Variants in CPNE7 observed in about 807,000 individuals in gnomAD.
The protein encoded by CPNE7 is copine 7.
CPNE7 carries 78 observed loss-of-function variants against 66.5 expected under a neutral mutation model. The observed-to-expected ratio is 1.17, with a 90% CI of 0.98 to 1.42. CPNE7 has a LOEUF of 1.42. CPNE7 is among the 40% of genes most tolerant of loss of function. The pLI, the probability that CPNE7 is intolerant of heterozygous loss-of-function variation, is 0.00. For synonymous variants in CPNE7, 468 were observed against 336.7 expected (o/e 1.39, Z -4.27); for missense variants, 1,012 against 776.6 (o/e 1.30, Z -3.60).
At chr16:89,578,004 G>C (rs1363620530) in intron 2 of CPNE7, among the ~76,000 whole-genome samples, 2 of 152,176 alleles carry the variant, frequency 1.3e-5, no homozygotes, top group African/African-American at 4.8e-5. Context: ...ATTGTCCAGA[G>C]AGAGATTTTC....
At chr16:89,582,559 G>T (rs1241171887) in intron 2 of CPNE7, among the ~76,000 whole-genome samples, 9 of 152,192 alleles carry the variant, frequency 5.9e-5, no homozygotes, top group South Asian at 2.1e-4. Flanking sequence ...AATCTTGGGG[G>T]GCCTGGCCCG....
intron 11 of CPNE7, among the ~76,000 whole-genome samples, chr16:89,590,223 A>G (rs464274): frequency 0.52 from 79,491 of 152,114 alleles, 21,016 homozygotes; most frequent in East Asian, 0.7. Flanking sequence ...TCTATTGCAC[A>G]TAACAATTCA....
chr16:89,579,153 G>A (rs181394638), intron 2 of CPNE7, among the ~76,000 whole-genome samples: 23 of 151,770 alleles, frequency 1.5e-4, no homozygotes, highest in African/African-American at 5.6e-4. Context: ...TTAGCCAGGC[G>A]TGGTGGTGCG....
Position 89,587,037 on chromosome 16 carries a change from C to T in CPNE7, c.868-6C>T, listed in dbSNP as rs199975723. 1.8e-5 allele frequency: 28 copies of T among 1,576,554 alleles called. No homozygotes were observed. Among genetic ancestry groups the T allele is most frequent in the Middle Eastern group, 1.7e-4 (1 of 5,922 alleles). On this transcript the variant is annotated splice_region_variant and splice_polypyrimidine_tract_variant and intron_variant, in intron 8 of 14. Transcript: ENST00000319518. ...GGGGGTGGACGCTGACTCCGCCGGC[C>T]GGAAGTTCCACAGGGTGTACTCCTT...
intron 13 of CPNE7, 142 bp downstream of exon 13, chr16:89,591,402 G>A: frequency 1.6e-6 from 2 of 1,234,350 alleles, no homozygotes; most frequent in Non-Finnish European, 2.2e-6. Flanking sequence ...GAGGGCGGGG[G>A]CCCAGCTGGT....
rs201485428 is a variant in CPNE7 at position 89,584,059 on chromosome 16, G to C, written c.464G>C (p.Gly155Ala). Reference protein sequence around the residue: ...VIAEDISGNNGYVELSFRARK... With the variant: ...VIAEDISGNNAYVELSFRARK... The stretch of plus-strand genomic sequence containing the variant: ...GCCGAGGACATCTCGGGGAACAACG[G>C]CTACGTGGAGCTCTCCTTCCGGGCC... Residue 155 changes from glycine (G) to alanine (A), a missense_variant, in exon 4 of 15, where the codon GGC (glycine) becomes GCC (alanine). Coordinates refer to ENST00000319518, the MANE Select transcript of CPNE7 (RefSeq NM_153636.3). The surrounding 1 kb of genome is among the most constrained non-coding windows in gnomAD (Gnocchi z 6.0). 10 of 1,612,138 alleles carry C rather than the reference G, an allele frequency of 6.2e-6. No individual in the cohort carries two copies. The East Asian group carries it at 2.2e-4, about 36-fold the overall frequency.
intron 1 of CPNE7, among the ~76,000 whole-genome samples, chr16:89,576,810 G>T (rs2058867864): frequency 6.6e-6 from 1 of 152,164 alleles, no homozygotes; most frequent in African/African-American, 2.4e-5. Context: ...TGGAAGGGAC[G>T]CGGTCACCCG....
rs1205027788 is a variant in CPNE7, at chr16:89,588,742, C to T, written c.995C>T (p.Pro332Leu). Residue 332 changes from proline to leucine, a missense_variant, in exon 10 of 15, where the codon CCC (proline) becomes CTC (leucine). Transcript: ENST00000319518. ...AGCTGCTCCCTGCACTACATCAACC[C>T]CTACCAGCCGAACGAGTACCTGAAG... ...RNSCSLHYINPYQPNEYLKAL... is the reference protein window; with the variant it reads ...RNSCSLHYINLYQPNEYLKAL... 1.9e-6 allele frequency: 3 copies of T among 1,613,600 alleles called. No homozygotes were observed. Among genetic ancestry groups the T allele is most frequent in the East Asian group, 2.2e-5 (1 of 44,894 alleles).
chr16:89,576,235 G>A (rs1195785674), intron 1 of CPNE7, among the ~76,000 whole-genome samples, 164 bp downstream of exon 1: 1 of 152,076 alleles, frequency 6.6e-6, no homozygotes, highest in Non-Finnish European at 1.5e-5. Flanking sequence ...ACCAGGTCTG[G>A]GGGTGGGGTG....
In CPNE7 at chr16:89,590,928, G is replaced by A; in HGVS notation, c.1117-79G>A. On this transcript the variant is annotated intron_variant, in intron 11 of 14. Coordinates refer to ENST00000319518, the MANE Select transcript of CPNE7 (RefSeq NM_153636.3). ...GGGACATGGGGGCTGGGGACGGGGG[G>A]AGCAGCTGACCGAGGGACATGGGGC... The A allele has an allele frequency of 2.7e-6, 4 of 1,476,298 alleles. No homozygotes were observed. In the East Asian group the frequency reaches 7.3e-5, roughly 27 times the overall value. 91.4% of individuals were successfully genotyped at this position (1,476,298 alleles called of 1,614,324 possible).
chr16:89,575,955 T>C lies in CPNE7; in HGVS notation c.58T>C (p.Cys20Arg). Residue 20 changes from cysteine (C) to arginine (R), a missense_variant, in exon 1 of 15, where the codon TGC becomes CGC. Coordinates refer to ENST00000319518, the MANE Select transcript of CPNE7 (RefSeq NM_153636.3). Reference protein sequence around the residue: ...AATPGGLPAPCASKVELRLSC... With the variant: ...AATPGGLPAPRASKVELRLSC... ...AACCCCCGGGGGTTTGCCCGCGCCCTGCGCCTCGAAGGTGGAGCTGCGGCT... is the reference window on the plus strand; with the variant it reads ...AACCCCCGGGGGTTTGCCCGCGCCCCGCGCCTCGAAGGTGGAGCTGCGGCT... The C allele has an allele frequency of 7.4e-7, 1 of 1,348,232 alleles. No individual in the cohort carries two copies. Among genetic ancestry groups the C allele is most frequent in the South Asian group, 1.7e-5 (1 of 57,332 alleles). The allele number at this position is 1,348,232 out of a possible 1,614,324, so 83.5% of individuals were successfully genotyped here. A position where few individuals can be genotyped will look rare whatever the true frequency, so the allele number is the denominator to read the frequency against.
At chr16:89,586,815 C>G (rs2059048079) in intron 8 of CPNE7, 59 bp downstream of exon 8, 3 of 1,459,820 alleles carry the variant, frequency 2.1e-6, no homozygotes, top group African/African-American at 1.4e-5. Context: ...CGCTGCCTCC[C>G]TCTGATTGTT....
At chr16:89,595,888 AAC>A (rs2059247211) in intron 14 of CPNE7, 1 of 593,524 alleles carries the variant, frequency 1.7e-6, no homozygotes. Flanking sequence ...CGTTGCTGCC[AAC>A]CTCTGCGACC....
At chr16:89,588,603 T>C in intron 9 of CPNE7, 72 bp from the exon 10 acceptor site, 1 of 1,592,994 alleles carries the variant, frequency 6.3e-7, no homozygotes, top group East Asian at 2.2e-5. Flanking sequence ...CTGGGCGTGG[T>C]TTCTCTACCT....
Position 89,591,036 on chromosome 16 carries a change from C to T in CPNE7, c.1146C>T (p.Asn382=), listed in dbSNP as rs1055616614. ...EVSHDFAINF[N]PEDDECEGIQ... is the part of the protein sequence containing the mutation. ...CCCATGACTTTGCCATCAATTTCAA[C>T]CCTGAGGACGATGAGTGTGAAGGTA... Residue 382 remains asparagine (N), a synonymous_variant, in exon 12 of 15, where the codon AAC becomes AAT. Transcript: ENST00000319518. 1.9e-6 allele frequency: 3 copies of T among 1,613,610 alleles called. No homozygotes were observed. The highest frequency in any genetic ancestry group is 1.7e-6 in the Non-Finnish European group (2 of 1,179,894).
chr16:89,587,138 G>T, intron 9 of CPNE7, 36 bp downstream of exon 9: 3 of 572,948 alleles, frequency 5.2e-6, no homozygotes, highest in South Asian at 8.3e-5. Flanking sequence ...CGCCCCCTCA[G>T]TCCGTGGCCC....
At chr16:89,588,640 G>A (rs1444226939) in intron 9 of CPNE7, 35 bp from the exon 10 acceptor site, 4 of 1,611,448 alleles carry the variant, frequency 2.5e-6, no homozygotes, top group African/African-American at 2.7e-5. Context: ...GGGAGCCCCG[G>A]CCCAGCACAG....
Position 89,583,689 on chromosome 16 carries a change from A to G in CPNE7, c.358-8A>G, listed in dbSNP as rs2058991517. 1.2e-6 allele frequency: 2 copies of G among 1,612,500 alleles called. No individual in the cohort carries two copies. Among genetic ancestry groups the G allele is most frequent in the Non-Finnish European group, 1.7e-6 (2 of 1,179,846 alleles). ...TGCCCCTCCCTGCCTGACGCCTCTG[A>G]CTTACAGATTGTGGCCCAGAAGAAG... On this transcript the variant is annotated splice_polypyrimidine_tract_variant and splice_region_variant and intron_variant, in intron 2 of 14. Coordinates refer to ENST00000319518, the MANE Select transcript of CPNE7 (RefSeq NM_153636.3).
chr16:89,594,844 G>GT (rs2059228696), intron 13 of CPNE7, among the ~76,000 whole-genome samples: 1 of 151,724 alleles, frequency 6.6e-6, no homozygotes. Flanking sequence ...TAGAGATGGG[G>GT]TTTCACCATT....
Sources: allele counts gnomAD v4.1 joint callset (sites outside exome capture counted in the v4.1 genomes callset), GRCh38; gene constraint gnomAD v4.1.1; non-coding constraint Gnocchi (gnomAD v3.1); transcripts MANE v1.5; gene names NCBI Gene and HGNC (gene_info 2026-07-23, HGNC 2026-07-21).